Variants in TBC1D5 observed in about 807,000 individuals in gnomAD.
TBC1D5 encodes the protein TBC1 domain family, member 5.
In TBC1D5, 75 loss-of-function variants were observed where a neutral mutation model predicts 100.3. That is an observed-to-expected ratio of 0.75 (90% confidence interval 0.62 to 0.91). TBC1D5 has a LOEUF of 0.91. Ranked by LOEUF, TBC1D5 falls within the 40% of genes least tolerant of loss-of-function variation. The pLI, the probability that TBC1D5 is intolerant of heterozygous loss-of-function variation, is 0.00. For missense variants in TBC1D5, 910 were observed against 942.4 expected (o/e 0.97, Z 0.45); for synonymous variants, 323 against 325.6 (o/e 0.99, Z 0.09).
chr3:17,598,953 T>C (rs549345560), intron 2 of TBC1D5, among the ~76,000 whole-genome samples: 1 of 152,310 alleles, frequency 6.6e-6, no homozygotes, highest in East Asian at 1.9e-4. Flanking sequence ...GTGAGAAACA[T>C]AGCTTTAAGG....
At chr3:17,333,919 G>GT (rs1406106740) in intron 13 of TBC1D5, among the ~76,000 whole-genome samples, 5 of 123,632 alleles carry the variant, frequency 4.0e-5, no homozygotes, top group Non-Finnish European at 9.3e-5. Flanking sequence ...TTCTAAGCAA[G>GT]TAACAGGGAG....
intron 17 of TBC1D5, among the ~76,000 whole-genome samples, chr3:17,223,399 T>A (rs756969709): frequency 6.6e-6 from 1 of 152,216 alleles, no homozygotes; most frequent in Non-Finnish European, 1.5e-5. Context: ...CTTGTCCATG[T>A]ATATATCTGG....
At chr3:17,306,567 T>C (rs1386048513) in intron 14 of TBC1D5, among the ~76,000 whole-genome samples, 1 of 152,190 alleles carries the variant, frequency 6.6e-6, no homozygotes, top group East Asian at 1.9e-4. Flanking sequence ...CCATGTTTTA[T>C]AAAATGATAA....
chr3:17,539,881 T>C (rs78007691), intron 2 of TBC1D5, among the ~76,000 whole-genome samples: 517 of 152,336 alleles, frequency 3.4e-3, no homozygotes, highest in Non-Finnish European at 5.6e-3. Context: ...CTACATCATA[T>C]GGAAATTCTA....
At chr3:17,352,423 TA>T (rs2090713532) in intron 13 of TBC1D5, among the ~76,000 whole-genome samples, 1 of 152,052 alleles carries the variant, frequency 6.6e-6, no homozygotes, top group Non-Finnish European at 1.5e-5. Context: ...CCTTCTACAT[TA>T]TTTTTTAAAA....
intron 3 of TBC1D5, among the ~76,000 whole-genome samples, chr3:17,460,057 G>A (rs918753280): frequency 3.3e-5 from 5 of 152,132 alleles, no homozygotes; most frequent in African/African-American, 9.7e-5. Flanking sequence ...ATTCTAAAAG[G>A]TAAACTTTTC....
intron 4 of TBC1D5, among the ~76,000 whole-genome samples, chr3:17,425,282 CAAAGTATTT>C (rs2094309826): frequency 6.6e-6 from 1 of 152,144 alleles, no homozygotes; most frequent in Non-Finnish European, 1.5e-5. Context: ...CAAAAGTATT[CAAAGTATTT>C]GGAATCAGGA....
intron 1 of TBC1D5, among the ~76,000 whole-genome samples, chr3:17,629,065 C>A (rs2063294267): frequency 1.3e-5 from 2 of 152,166 alleles, no homozygotes; most frequent in Non-Finnish European, 2.9e-5. Context: ...TTATTAAGGA[C>A]ACAAGTGTGT....
At position 17,399,316 on chromosome 3, in the gene TBC1D5, T is replaced by C. The variant is rs192618065; in HGVS notation, c.509+3865A>G. The stretch of plus-strand genomic sequence containing the variant: ...GAATGGACTGGAAGTGGAAAAACAC[T>C]AGATCCCAAGAAAACAATTAAACAA... On this transcript the variant is annotated intron_variant, in intron 8 of 21. Transcript: ENST00000253692. 1.0e-3 allele frequency among the ~76,000 whole-genome samples: 154 copies of C among 152,056 alleles called. 2 individuals are homozygous for C. In the South Asian group the frequency reaches 0.018, roughly 18 times the overall value.
At chr3:17,682,294 C>A (rs951302481) in intron 1 of TBC1D5, among the ~76,000 whole-genome samples, 11 of 151,190 alleles carry the variant, frequency 7.3e-5, no homozygotes, top group African/African-American at 2.7e-4. Flanking sequence ...TTGAAAAAAA[C>A]CTGTAATGCT....
Position 17,550,533 on chromosome 3 carries a change from A to AAAC in TBC1D5, c.-35-41931_-35-41929dup, listed in dbSNP as rs1056649665. ...ACACAGGGTACACACACAAAGTTAA[A>AAAC]AACAACAACAACAACAAAAAAAAAA... On this transcript the variant is annotated intron_variant, in intron 2 of 21. Transcript: ENST00000253692. Among the ~76,000 whole-genome samples, 4 of 151,658 alleles carry AAAC rather than the reference A, an allele frequency of 2.6e-5. No homozygotes were observed. The East Asian group carries it at 5.8e-4, about 22-fold the overall frequency.
At chr3:17,316,676 A>C (rs1182247440) in intron 13 of TBC1D5, among the ~76,000 whole-genome samples, 1 of 152,218 alleles carries the variant, frequency 6.6e-6, no homozygotes, top group African/African-American at 2.4e-5. Context: ...GTGTTAAGGC[A>C]CTGCTAGTGA....
chr3:17,700,198 T>C (rs1376429956), intron 1 of TBC1D5, among the ~76,000 whole-genome samples: 3 of 151,936 alleles, frequency 2.0e-5, no homozygotes, highest in African/African-American at 7.2e-5. Flanking sequence ...ATCTGATCTT[T>C]GACAAACCTG....
chr3:17,489,251 C>G (rs1389875000), intron 3 of TBC1D5, among the ~76,000 whole-genome samples: 2 of 151,454 alleles, frequency 1.3e-5, no homozygotes, highest in African/African-American at 4.8e-5. Context: ...TTTAAAATAC[C>G]TAATTTTCTA....
chr3:17,481,766 G>A (rs984737098), intron 3 of TBC1D5, among the ~76,000 whole-genome samples: 1 of 152,118 alleles, frequency 6.6e-6, no homozygotes, highest in African/African-American at 2.4e-5. Flanking sequence ...ACGGAGTCTC[G>A]CTCTTGTCGC....
chr3:17,289,632 C>CAAA (rs34174909), intron 15 of TBC1D5, among the ~76,000 whole-genome samples: 1 of 129,662 alleles, frequency 7.7e-6, no homozygotes, highest in Non-Finnish European at 1.6e-5. Context: ...GACTCCATCT[C>CAAA]AAAAAAAAAA....
intron 1 of TBC1D5, among the ~76,000 whole-genome samples, chr3:17,692,867 C>A (rs991272027): frequency 6.6e-6 from 1 of 152,224 alleles, no homozygotes; most frequent in African/African-American, 2.4e-5. Flanking sequence ...CGGTAGTTCA[C>A]ACTTGTAATC....
intron 15 of TBC1D5, among the ~76,000 whole-genome samples, chr3:17,268,883 C>A (rs1426279871): frequency 1.3e-5 from 2 of 152,040 alleles, no homozygotes; most frequent in African/African-American, 4.8e-5. Flanking sequence ...AAGGTTTAGT[C>A]TTATGGATAC....
At chr3:17,651,740 G>A (rs78633907) in intron 1 of TBC1D5, among the ~76,000 whole-genome samples, 461 of 152,106 alleles carry the variant, frequency 3.0e-3, no homozygotes, top group African/African-American at 0.011. Flanking sequence ...CCCCACTCCA[G>A]GAGAAACCAC....
Sources: gnomAD v4.1 joint callset for allele counts (sites outside exome capture counted in the v4.1 genomes callset) on GRCh38, gnomAD v4.1.1 for gene constraint, MANE v1.5 for transcripts, NCBI Gene and HGNC (gene_info 2026-07-23, HGNC 2026-07-21) for gene names.